The following JAK2 variants were observed in gnomAD, a reference collection of about 807,000 sequenced individuals.
The protein encoded by JAK2 is tyrosine-protein kinase JAK2.
A neutral mutation model predicts 139.3 loss-of-function variants in JAK2; 86 were observed. The observed-to-expected ratio is 0.62, with a 90% confidence interval of 0.52 to 0.74. The LOEUF (loss-of-function observed/expected upper bound fraction) is 0.74, where lower values mean the gene tolerates loss of function less well. Ranked by LOEUF, JAK2 falls within the 30% of genes least tolerant of loss-of-function variation. The probability of loss-of-function intolerance (pLI) is 0.00; values close to 1 mark genes in which losing one functional copy is unlikely to be tolerated. For missense variants in JAK2, 1,421 were observed against 1,360.3 expected, an observed-to-expected ratio of 1.04 and a Z score of -0.70; for synonymous variants, 490 against 437.7, an observed-to-expected ratio of 1.12 and a Z score of -1.49.
chr9:5,010,062 G>T (rs774655428), intron 2 of JAK2, among the ~76,000 whole-genome samples: 1 of 152,136 alleles, frequency 6.6e-6, no homozygotes, highest in African/African-American at 2.4e-5. Context: ...ATGAGCCATC[G>T]CACCTAGCCT....
rs533569892 is a variant in JAK2, at chr9:5,042,843, C to G, written c.351-1560C>G. On this transcript the variant is annotated intron_variant, in intron 4 of 24. Transcript: ENST00000381652. ...TGAAGCCAGCCCCGCAACCAAAATG[C>G]TGCACCAAAGCTCGGTCGCCACAGG... Among the ~76,000 whole-genome samples the G allele has an allele frequency of 2.0e-5, 3 of 152,306 alleles. No homozygotes were observed. In the East Asian group the frequency reaches 5.8e-4, roughly 29 times the overall value.
chr9:5,098,153 C>A (rs1821169386), intron 22 of JAK2: 1 of 152,108 alleles, frequency 6.6e-6, no homozygotes, highest in Non-Finnish European at 1.5e-5. Context: ...TTATGGCTGT[C>A]CACCACCTTA....
intron 4 of JAK2, chr9:5,041,602 C>T (rs536343107): frequency 6.0e-6 from 3 of 495,908 alleles, no homozygotes; most frequent in Non-Finnish European, 1.2e-5. Context: ...TTTGAGAAGC[C>T]CGACTGTGAC....
intron 2 of JAK2, among the ~76,000 whole-genome samples, chr9:5,010,085 A>G (rs1311872228): frequency 6.6e-6 from 1 of 152,142 alleles, no homozygotes; most frequent in Non-Finnish European, 1.5e-5. Flanking sequence ...GTATGTTTTA[A>G]ATAGAGTCTA....
rs1819597387 is a variant in JAK2 at position 5,080,283 on chromosome 9, A to T, written c.2186A>T (p.Asn729Ile). 3 of 1,613,718 alleles carry T rather than the reference A, an allele frequency of 1.9e-6. No individual in the cohort carries two copies. The highest frequency in any genetic ancestry group is 2.5e-6 in the Non-Finnish European group (3 of 1,179,758). The change falls in exon 17 of 25, where the codon AAT (asparagine) becomes ATT (isoleucine). Residue 729 changes from asparagine (N) to isoleucine (I), a missense_variant. By Grantham distance (149) the Asn-to-Ile change is moderately radical (BLOSUM62 -3). Coordinates refer to ENST00000381652, the MANE Select transcript of JAK2 (RefSeq NM_004972.4). ...VPPECIENPK[N>I]LNLATDKWSF... ...CCTGAATGCATTGAAAATCCTAAAA[A>T]TTTAAATTTGGCAACAGACAAATGG...
intron 22 of JAK2, among the ~76,000 whole-genome samples, chr9:5,105,958 C>T (rs753380750): frequency 6.6e-6 from 1 of 152,136 alleles, no homozygotes; most frequent in African/African-American, 2.4e-5. Flanking sequence ...ACCATAAAAG[C>T]CCTAGAAGAA....
In JAK2 at chr9:5,022,011, G is replaced by A. The variant is rs1822464264; in HGVS notation, c.24G>A (p.Met8Ile). The A allele has an allele frequency of 6.2e-6, 10 of 1,613,876 alleles. No homozygotes were observed. The highest frequency in any genetic ancestry group is 8.5e-6 in the Non-Finnish European group (10 of 1,179,856). MGMACLT[M>I]TEMEGTSTSS... ...GCATGGGAATGGCCTGCCTTACGAT[G>A]ACAGAAATGGAGGGAACATCCACCT... is the stretch of plus-strand genomic sequence containing the variant. Residue 8 changes from methionine (M) to isoleucine (I), a missense_variant, in exon 3 of 25, where the codon ATG (methionine) becomes ATA (isoleucine). Met to Ile is a conservative substitution (Grantham distance 10, BLOSUM62 1). Transcript: ENST00000381652.
chr9:5,077,183 T>C (rs1819363028), intron 14 of JAK2, among the ~76,000 whole-genome samples: 1 of 150,798 alleles, frequency 6.6e-6, no homozygotes, highest in Non-Finnish European at 1.5e-5. Flanking sequence ...AGTACTAATA[T>C]ATAAAGGTGT....
At chr9:5,112,569 G>T in intron 22 of JAK2, 1 of 656,934 alleles carries the variant, frequency 1.5e-6, no homozygotes, top group East Asian at 2.9e-5. Context: ...CCAGGGAGCG[G>T]CTGCGGGTCC....
At chr9:5,089,996 A>C in intron 20 of JAK2, 133 bp downstream of exon 20, 1 of 499,666 alleles carries the variant, frequency 2.0e-6, no homozygotes, top group Non-Finnish European at 3.2e-6. Flanking sequence ...TAATGACTAG[A>C]GATTGTGTTT....
chr9:5,097,645 G>T (rs1343965592), intron 22 of JAK2: 1 of 152,154 alleles, frequency 6.6e-6, no homozygotes, highest in African/African-American at 2.4e-5. Flanking sequence ...TACACTGCGT[G>T]GTGGTAACAT....
chr9:5,109,721 CTTT>C (rs1409129444), intron 22 of JAK2: 1 of 152,158 alleles, frequency 6.6e-6, no homozygotes, highest in Non-Finnish European at 1.5e-5. Context: ...TCTCACTAAG[CTTT>C]AGACTACTTC....
intron 8 of JAK2, among the ~76,000 whole-genome samples, chr9:5,058,993 G>C (rs1051987101): frequency 2.0e-5 from 3 of 151,982 alleles, no homozygotes; most frequent in Non-Finnish European, 4.4e-5. Context: ...TTTTCACTAT[G>C]TTGCTTGTGT....
intron 12 of JAK2, among the ~76,000 whole-genome samples, chr9:5,071,240 C>T (rs140958641): frequency 3.6e-4 from 55 of 152,162 alleles, no homozygotes; most frequent in African/African-American, 1.3e-3. Flanking sequence ...CCATAATTCC[C>T]ACAGATAAAA....
intron 3 of JAK2, among the ~76,000 whole-genome samples, chr9:5,027,005 T>G (rs2130124959): frequency 6.6e-6 from 1 of 152,348 alleles, no homozygotes; most frequent in East Asian, 1.9e-4. Context: ...TCTAAATATT[T>G]TTGTGATTTG....
chr9:5,120,369 A>G (rs1372473593), intron 22 of JAK2, among the ~76,000 whole-genome samples: 2 of 152,212 alleles, frequency 1.3e-5, no homozygotes, highest in Non-Finnish European at 2.9e-5. Context: ...CAAACACTAA[A>G]TCTGAAGTCT....
chr9:5,095,696 C>T (rs78688039), intron 22 of JAK2, among the ~76,000 whole-genome samples: 1 of 152,176 alleles, frequency 6.6e-6, no homozygotes, highest in Non-Finnish European at 1.5e-5. Context: ...CTATCTATCA[C>T]AATCCTATCC....
At chr9:5,097,885 C>G (rs138657541) in intron 22 of JAK2, 2 of 152,184 alleles carry the variant, frequency 1.3e-5, no homozygotes, top group Non-Finnish European at 2.9e-5. Context: ...ATCAGACCTA[C>G]GCTAAAATTC....
intron 4 of JAK2, chr9:5,041,576 C>T (rs1484544789): frequency 3.9e-6 from 2 of 509,458 alleles, no homozygotes; most frequent in East Asian, 5.5e-5. Flanking sequence ...ACCTGCACTA[C>T]GTGCGGCGCC....
Sources: allele counts gnomAD v4.1 joint callset (sites outside exome capture counted in the v4.1 genomes callset), GRCh38; gene constraint gnomAD v4.1.1; transcripts MANE v1.5; gene names NCBI Gene and HGNC (gene_info 2026-07-23, HGNC 2026-07-21).